The following NEO1 variants were observed in gnomAD, a reference collection of about 807,000 sequenced individuals.
The protein encoded by NEO1 is neogenin.
Under a neutral mutation model 159.7 loss-of-function variants are expected in NEO1, and 63 were observed. That is an observed-to-expected ratio of 0.39 (90% CI 0.32 to 0.49). NEO1 has a LOEUF of 0.49. Ranked by LOEUF, NEO1 falls within the 20% of genes least tolerant of loss-of-function variation. The pLI, the probability that NEO1 is intolerant of heterozygous loss-of-function variation, is 0.85. For missense variants in NEO1, 1,615 were observed against 1,831.0 expected (o/e 0.88, Z 2.15); for synonymous variants, 633 against 662.0 (o/e 0.96, Z 0.67).
chr15:73,238,880 G>A (rs971086892), intron 8 of NEO1, among the ~76,000 whole-genome samples: 4 of 151,950 alleles, frequency 2.6e-5, no homozygotes, highest in South Asian at 2.1e-4. Context: ...CAAAGGTCTC[G>A]CTGGGTCACC....
chr15:73,124,943 G>T (rs2029974879), intron 3 of NEO1, among the ~76,000 whole-genome samples: 1 of 151,880 alleles, frequency 6.6e-6, no homozygotes, highest in Non-Finnish European at 1.5e-5. Context: ...AATTCAAGTT[G>T]AATTAAAAAA....
intron 1 of NEO1, among the ~76,000 whole-genome samples, chr15:73,075,424 A>G (rs2068723235): frequency 6.6e-6 from 1 of 152,194 alleles, no homozygotes; most frequent in African/African-American, 2.4e-5. Context: ...GTCTCAAAGC[A>G]GTATATGATT....
At chr15:73,181,796 C>G (rs1361155037) in intron 7 of NEO1, among the ~76,000 whole-genome samples, 1 of 152,112 alleles carries the variant, frequency 6.6e-6, no homozygotes, top group Non-Finnish European at 1.5e-5. Context: ...GGACAAATAT[C>G]CAGACTATGT....
At chr15:73,165,758 G>A (rs1344859461) in intron 5 of NEO1, among the ~76,000 whole-genome samples, 4 of 152,194 alleles carry the variant, frequency 2.6e-5, no homozygotes, top group Non-Finnish European at 5.9e-5. Context: ...GAGGATTGCC[G>A]TTTTTACAGT....
At chr15:73,158,006 A>G (rs917409111) in intron 5 of NEO1, among the ~76,000 whole-genome samples, 1 of 152,090 alleles carries the variant, frequency 6.6e-6, no homozygotes, top group Non-Finnish European at 1.5e-5. Flanking sequence ...GCTTGAGGTC[A>G]GGAGTTTGAG....
intron 5 of NEO1, among the ~76,000 whole-genome samples, chr15:73,148,526 C>A (rs1031888828): frequency 6.6e-6 from 1 of 152,092 alleles, no homozygotes; most frequent in Non-Finnish European, 1.5e-5. Flanking sequence ...TATTTCTTCC[C>A]CCGCTACCTA....
In NEO1 at chr15:73,303,168, T is replaced by C. The variant is rs1441495051; in HGVS notation, c.*472T>C. Reference sequence around the variant, plus strand: ...GGTGTTCTCCACAAGTGGTTGACATTTGACTGCTTGTTCCAATTATGTATG... The same window carrying C: ...GGTGTTCTCCACAAGTGGTTGACATCTGACTGCTTGTTCCAATTATGTATG... On this transcript the variant is annotated 3_prime_UTR_variant, in exon 29 of 29. Coordinates refer to ENST00000261908, the MANE Select transcript of NEO1 (RefSeq NM_002499.4). 2 of 156,380 alleles carry C rather than the reference T, an allele frequency of 1.3e-5. No individual in the cohort carries two copies. Among genetic ancestry groups the C allele is most frequent in the African/African-American group, 4.8e-5 (2 of 41,514 alleles). The allele number at this position is 156,380 out of a possible 1,614,324, so 9.7% of individuals were successfully genotyped here. A position where few individuals can be genotyped will look rare whatever the true frequency, so the allele number is the denominator to read the frequency against.
chr15:73,220,575 T>C (rs1232723713), intron 7 of NEO1, among the ~76,000 whole-genome samples: 1 of 152,250 alleles, frequency 6.6e-6, no homozygotes, highest in East Asian at 1.9e-4. Flanking sequence ...CAATCAGACG[T>C]AGATTTGGTC....
intron 7 of NEO1, among the ~76,000 whole-genome samples, chr15:73,215,040 T>C (rs1303621615): frequency 6.6e-6 from 1 of 152,160 alleles, no homozygotes; most frequent in Non-Finnish European, 1.5e-5. Context: ...TTTGCAGCTA[T>C]TATAAAAGGG....
intron 8 of NEO1, among the ~76,000 whole-genome samples, chr15:73,244,092 A>G (rs1444451811): frequency 2.0e-5 from 3 of 152,172 alleles, no homozygotes; most frequent in Non-Finnish European, 2.9e-5. Context: ...TCTTCTCTGA[A>G]AGGAAGTTGT....
intron 5 of NEO1, among the ~76,000 whole-genome samples, chr15:73,170,952 A>G (rs2034920172): frequency 6.6e-6 from 1 of 151,934 alleles, no homozygotes; most frequent in Non-Finnish European, 1.5e-5. Flanking sequence ...GACACACATG[A>G]TGAACCTCCT....
intron 5 of NEO1, among the ~76,000 whole-genome samples, chr15:73,150,429 A>C (rs188270362): frequency 7.9e-5 from 12 of 152,312 alleles, no homozygotes; most frequent in Admixed American, 5.2e-4. Context: ...CATTTTTCAT[A>C]ATAAAAAGCT....
At chr15:73,181,421 T>C (rs1179452277) in intron 7 of NEO1, among the ~76,000 whole-genome samples, 1 of 152,186 alleles carries the variant, frequency 6.6e-6, no homozygotes, top group Non-Finnish European at 1.5e-5. Context: ...TAGTCTGTTC[T>C]TGCATTGCTA....
At position 73,139,029 on chromosome 15, in the gene NEO1, C is replaced by G. The variant is rs145097334; in HGVS notation, c.1015+3002C>G. Among the ~76,000 whole-genome samples, 3 of 152,018 alleles carry G rather than the reference C, an allele frequency of 2.0e-5. No individual in the cohort carries two copies. In the South Asian group the frequency reaches 6.2e-4, roughly 32 times the overall value. On this transcript the variant is annotated intron_variant, in intron 5 of 28. Transcript: ENST00000261908. ...CAGTGCGGATTTTTCCTGGCTCTCT[C>G]GATGCTAAGAATATACAATGGGGAA...
intron 5 of NEO1, among the ~76,000 whole-genome samples, chr15:73,144,923 T>C (rs2032756784): frequency 6.6e-6 from 1 of 152,214 alleles, no homozygotes; most frequent in African/African-American, 2.4e-5. Flanking sequence ...TTCTCCTTGC[T>C]TTCACTCCCC....
chr15:73,059,882 T>C (rs894298667), intron 1 of NEO1, among the ~76,000 whole-genome samples: 5 of 152,220 alleles, frequency 3.3e-5, no homozygotes, highest in African/African-American at 4.8e-5. Flanking sequence ...CTCCCATGTT[T>C]TTTGGAAATC....
At chr15:73,236,289 G>C (rs761649548) in intron 7 of NEO1, 58 bp from the exon 8 acceptor site, 1 of 1,612,676 alleles carries the variant, frequency 6.2e-7, no homozygotes, top group East Asian at 2.2e-5. Context: ...ATGACAAGAT[G>C]TTGCCATCCC....
At chr15:73,109,363 G>A (rs1333865915) in intron 1 of NEO1, among the ~76,000 whole-genome samples, 2 of 152,120 alleles carry the variant, frequency 1.3e-5, no homozygotes, top group Non-Finnish European at 2.9e-5. Context: ...TTTGATGGGG[G>A]AGAAAATGTT....
At chr15:73,218,451 A>G (rs2038033525) in intron 7 of NEO1, among the ~76,000 whole-genome samples, 3 of 152,180 alleles carry the variant, frequency 2.0e-5, no homozygotes, top group East Asian at 1.9e-4. Context: ...AAAATGAGTT[A>G]GGGAGGATTC....
Sources: allele counts gnomAD v4.1 joint callset (sites outside exome capture counted in the v4.1 genomes callset), GRCh38; gene constraint gnomAD v4.1.1; transcripts MANE v1.5; gene names NCBI Gene and HGNC (gene_info 2026-07-23, HGNC 2026-07-21).